FARP1: variants seen among roughly 807,000 people sequenced by gnomAD.
FARP1 encodes the protein FERM, ARHGEF and pleckstrin domain-containing protein 1.
A neutral mutation model predicts 128.8 loss-of-function variants in FARP1; 52 were observed. The ratio of observed to expected loss-of-function variants is 0.40; its 90% CI spans 0.32 to 0.51. The LOEUF (loss-of-function observed/expected upper bound fraction) is 0.51. Ranked by LOEUF, FARP1 falls within the 20% of genes least tolerant of loss-of-function variation. The pLI, the probability that FARP1 is intolerant of heterozygous loss-of-function variation, is 0.45. For synonymous variants in FARP1, 580 were observed against 551.8 expected, an observed-to-expected ratio of 1.05 and a Z score of -0.72; for missense variants, 1,333 against 1,367.9, an observed-to-expected ratio of 0.97 and a Z score of 0.40.
intron 1 of FARP1, among the ~76,000 whole-genome samples, chr13:98,173,651 T>C (rs1468868649): frequency 3.3e-5 from 5 of 152,256 alleles, no homozygotes; most frequent in African/African-American, 9.6e-5. Context: ...GAAGGACTTA[T>C]TGACCATTAC....
rs891282410 is a variant in FARP1, at chr13:98,389,696, G to A, written c.856-261G>A. The A allele has an allele frequency of 5.4e-5, 20 of 370,640 alleles. 1 individual carries two copies. Among genetic ancestry groups the A allele is most frequent in the African/African-American group, 4.1e-4 (20 of 48,486 alleles). The allele number at this position is 370,640 out of a possible 1,614,324, so 23.0% of individuals were successfully genotyped here. On this transcript the variant is annotated intron_variant, in intron 9 of 26. Transcript: ENST00000319562. ...TGTATATGAAATCTGTCAAAAAATGGTGTCACTTCCATTGAAGCCACGTGG... is the reference window on the plus strand; with the variant it reads ...TGTATATGAAATCTGTCAAAAAATGATGTCACTTCCATTGAAGCCACGTGG...
chr13:98,177,484 TAA>T (rs5806051), intron 1 of FARP1, among the ~76,000 whole-genome samples: 79,201 of 151,434 alleles, frequency 0.52, 24,338 homozygotes, highest in East Asian at 0.72. Context: ...CCATCCTTAC[TAA>T]AAATACAAAA....
chr13:98,201,928 C>T (rs749524914), intron 1 of FARP1, among the ~76,000 whole-genome samples: 8 of 152,318 alleles, frequency 5.3e-5, no homozygotes, highest in East Asian at 1.9e-4. Flanking sequence ...TCAAACAGGC[C>T]GAACAGTTCC....
intron 16 of FARP1, among the ~76,000 whole-genome samples, chr13:98,417,539 A>G: frequency 6.7e-6 from 1 of 148,286 alleles, no homozygotes; most frequent in African/African-American, 2.5e-5. Flanking sequence ...AATGGCAGCC[A>G]GGAGGGCAAG....
chr13:98,259,593 T>TACTC (rs1883774414), intron 2 of FARP1, among the ~76,000 whole-genome samples: 1 of 152,192 alleles, frequency 6.6e-6, no homozygotes, highest in Non-Finnish European at 1.5e-5. Context: ...CACAGAGGCT[T>TACTC]ACAGTGTTTG....
chr13:98,310,010 C>A (rs939888561), intron 2 of FARP1, among the ~76,000 whole-genome samples: 1 of 150,476 alleles, frequency 6.6e-6, no homozygotes, highest in Non-Finnish European at 1.5e-5. Context: ...CTGGTTTTTA[C>A]GCCGATGGGA....
intron 9 of FARP1, 85 bp from the exon 10 acceptor site, chr13:98,389,872 A>G: frequency 7.4e-7 from 1 of 1,347,962 alleles, no homozygotes; most frequent in Non-Finnish European, 1.0e-6. Flanking sequence ...TTATCGGACA[A>G]AGCTATCTTC....
intron 2 of FARP1, among the ~76,000 whole-genome samples, chr13:98,261,708 G>C (rs1218615970): frequency 6.6e-6 from 1 of 152,128 alleles, no homozygotes; most frequent in African/African-American, 2.4e-5. Flanking sequence ...AGGTGTGGAG[G>C]AAAAGCAAGA....
At chr13:98,218,261 C>T (rs1881207967) in intron 2 of FARP1, among the ~76,000 whole-genome samples, 1 of 152,182 alleles carries the variant, frequency 6.6e-6, no homozygotes, top group Admixed American at 6.5e-5. Context: ...CAGGCTTGTG[C>T]TCCAGGCCAG....
intron 6 of FARP1, among the ~76,000 whole-genome samples, chr13:98,380,698 T>A (rs1343895329): frequency 3.3e-5 from 5 of 152,002 alleles, no homozygotes; most frequent in Admixed American, 6.6e-5. Flanking sequence ...CTCAGCCTCC[T>A]GAGTAGCTGG....
At chr13:98,213,636 C>T (rs570691739) in intron 2 of FARP1, among the ~76,000 whole-genome samples, 4 of 152,046 alleles carry the variant, frequency 2.6e-5, no homozygotes, top group Non-Finnish European at 5.9e-5. Context: ...ATGTCAGTGG[C>T]CTCGGCACTT....
chr13:98,307,152 T>G (rs1886201925), intron 2 of FARP1, among the ~76,000 whole-genome samples: 1 of 152,238 alleles, frequency 6.6e-6, no homozygotes. Flanking sequence ...TCATTCTGGC[T>G]TTATGATTCC....
At chr13:98,326,479 C>A (rs539574861) in intron 2 of FARP1, among the ~76,000 whole-genome samples, 59 of 152,318 alleles carry the variant, frequency 3.9e-4, no homozygotes, top group African/African-American at 1.4e-3. Flanking sequence ...CCTCCCTTGG[C>A]CCCTGGTAAG....
At chr13:98,199,226 C>G (rs1879780892) in intron 1 of FARP1, among the ~76,000 whole-genome samples, 1 of 151,932 alleles carries the variant, frequency 6.6e-6, no homozygotes, top group Admixed American at 6.6e-5. Context: ...AACCTTTTTT[C>G]AGGGACTAGT....
At chr13:98,391,709 T>C (rs543721611) in intron 11 of FARP1, among the ~76,000 whole-genome samples, 1 of 152,292 alleles carries the variant, frequency 6.6e-6, no homozygotes, top group Admixed American at 6.5e-5. Flanking sequence ...TCAGTGCTCT[T>C]TTATTCCCTT....
Position 98,349,669 on chromosome 13 carries a change from A to AG in FARP1, c.276+5806dup, listed in dbSNP as rs748698211. Among the ~76,000 whole-genome samples the AG allele has an allele frequency of 3.6e-3, 348 of 97,078 alleles. 3 individuals are homozygous for AG. The highest frequency in any genetic ancestry group is 9.7e-3 in the East Asian group (32 of 3,316). 63.7% of individuals were successfully genotyped at this position (97,078 alleles called of 152,430 possible). ...TTGGCGACAGAGCAAGACCCATCTC[A>AG]GGGAAAAAAAAAAAAAAAAAAAAAA... On this transcript the variant is annotated intron_variant, in intron 3 of 26. Coordinates refer to ENST00000319562, the MANE Select transcript of FARP1 (RefSeq NM_005766.4).
intron 2 of FARP1, among the ~76,000 whole-genome samples, chr13:98,251,592 A>T (rs1295117972): frequency 6.6e-6 from 1 of 151,750 alleles, no homozygotes; most frequent in Non-Finnish European, 1.5e-5. Context: ...CTGAGGCAGG[A>T]GAATGGCTTG....
rs919182277 is a variant in FARP1 at position 98,307,103 on chromosome 13, T to A, written c.172-36659T>A. The stretch of plus-strand genomic sequence containing the variant: ...ACAGGACAGAGATGAGAGGTCCCTC[T>A]TGACTCGCATGCTGTTTCTTAGGCT... On this transcript the variant is annotated intron_variant, in intron 2 of 26. Transcript: ENST00000319562. 3.3e-5 allele frequency among the ~76,000 whole-genome samples: 5 copies of A among 152,338 alleles called. 1 individual carries two copies.
intron 21 of FARP1, among the ~76,000 whole-genome samples, chr13:98,439,728 G>C (rs1892444977): frequency 2.0e-5 from 3 of 152,204 alleles, no homozygotes; most frequent in Admixed American, 2.0e-4. Context: ...CGGGATTGGA[G>C]AGAGGGAAGT....
Sources: allele counts gnomAD v4.1 joint callset (sites outside exome capture counted in the v4.1 genomes callset), GRCh38; gene constraint gnomAD v4.1.1; transcripts MANE v1.5; gene names NCBI Gene and HGNC (gene_info 2026-07-23, HGNC 2026-07-21).